The following PRKD1 variants were observed in gnomAD, a reference collection of about 807,000 sequenced individuals.
The protein encoded by PRKD1 is protein kinase D1.
In PRKD1, 63 loss-of-function variants were observed where a neutral mutation model predicts 95.9. That is an observed-to-expected ratio of 0.66 (90% CI 0.54 to 0.81). The LOEUF is 0.81. PRKD1 is among the 30% of genes least tolerant of loss of function. PRKD1 has a pLI of 0.00. For missense variants in PRKD1, 1,048 were observed against 1,165.3 expected, an observed-to-expected ratio of 0.90 and a Z score of 1.47; for synonymous variants, 425 against 423.1, an observed-to-expected ratio of 1.00 and a Z score of -0.05.
intron 1 of PRKD1, among the ~76,000 whole-genome samples, chr14:29,909,268 C>T (rs993597018): frequency 4.0e-5 from 6 of 151,538 alleles, no homozygotes; most frequent in Non-Finnish European, 7.4e-5. Context: ...CCGCCATGCC[C>T]GAGCCTCCCC....
intron 1 of PRKD1, among the ~76,000 whole-genome samples, chr14:29,897,168 A>C (rs1203630658): frequency 6.6e-6 from 1 of 152,064 alleles, no homozygotes; most frequent in Non-Finnish European, 1.5e-5. Flanking sequence ...ACTCAACCAT[A>C]TATCGTGGAC....
intron 4 of PRKD1, chr14:29,656,414 A>G: frequency 1.4e-6 from 2 of 1,434,998 alleles, no homozygotes; most frequent in South Asian, 1.2e-5. Context: ...TGTCAGCGTA[A>G]TATGCTGGTT....
chr14:29,710,894 G>A (rs1035411693), intron 2 of PRKD1, among the ~76,000 whole-genome samples: 2 of 152,052 alleles, frequency 1.3e-5, no homozygotes, highest in Non-Finnish European at 2.9e-5. Flanking sequence ...ATCTATGAAA[G>A]ACAATCTGAT....
At chr14:29,635,981 CT>C (rs1441633078) in intron 7 of PRKD1, among the ~76,000 whole-genome samples, 2 of 151,280 alleles carry the variant, frequency 1.3e-5, no homozygotes, top group African/African-American at 4.9e-5. Flanking sequence ...ACACAATGAG[CT>C]TCAAATTAAT....
Position 29,757,654 on chromosome 14 carries a change from T to A in PRKD1, c.265-31980A>T, listed in dbSNP as rs573496324. On this transcript the variant is annotated intron_variant, in intron 1 of 17. Coordinates refer to ENST00000331968, the MANE Select transcript of PRKD1 (RefSeq NM_002742.3). ...ATGGACAGAAAAATTAATTGGTTTT[T>A]AAAAATAAACCAATTAATTTTTCTG... is the stretch of plus-strand genomic sequence containing the variant. Among the ~76,000 whole-genome samples, 7 of 151,008 alleles carry A rather than the reference T, an allele frequency of 4.6e-5. No individual in the cohort carries two copies. In the East Asian group the frequency reaches 1.4e-3, roughly 30 times the overall value.
intron 1 of PRKD1, among the ~76,000 whole-genome samples, chr14:29,789,626 G>A (rs1226401632): frequency 6.6e-6 from 1 of 152,182 alleles, no homozygotes; most frequent in Non-Finnish European, 1.5e-5. Context: ...TGCCAATGGT[G>A]GCAGGCTGGG....
At chr14:29,824,591 T>C (rs533290028) in intron 1 of PRKD1, among the ~76,000 whole-genome samples, 3 of 152,274 alleles carry the variant, frequency 2.0e-5, no homozygotes, top group East Asian at 3.9e-4. Flanking sequence ...TCTCCAATTA[T>C]AAACAGTGTG....
chr14:29,882,770 C>A (rs1351524909), intron 1 of PRKD1, among the ~76,000 whole-genome samples: 3 of 152,130 alleles, frequency 2.0e-5, no homozygotes, highest in Non-Finnish European at 4.4e-5. Context: ...TGACTGGTTT[C>A]TTTAAACTTA....
chr14:29,857,103 T>C (rs1370501207), intron 1 of PRKD1, among the ~76,000 whole-genome samples: 1 of 152,202 alleles, frequency 6.6e-6, no homozygotes, highest in Non-Finnish European at 1.5e-5. Context: ...AATGGTCTTC[T>C]TATGAACCCT....
chr14:29,794,906 T>TC (rs1889744213), intron 1 of PRKD1, among the ~76,000 whole-genome samples: 1 of 152,134 alleles, frequency 6.6e-6, no homozygotes, highest in Admixed American at 6.6e-5. Context: ...TTCATAAACA[T>TC]CCCTACAGAC....
At chr14:29,782,372 A>G (rs889388892) in intron 1 of PRKD1, among the ~76,000 whole-genome samples, 1 of 152,182 alleles carries the variant, frequency 6.6e-6, no homozygotes, top group Non-Finnish European at 1.5e-5. Flanking sequence ...CATTACTAGC[A>G]GCAAAACCCA....
intron 13 of PRKD1, among the ~76,000 whole-genome samples, chr14:29,618,475 C>CT (rs1879021034): frequency 6.6e-6 from 1 of 152,152 alleles, no homozygotes; most frequent in Non-Finnish European, 1.5e-5. Context: ...AGGCTGTTCT[C>CT]TAACTCCTGA....
At chr14:29,868,049 T>C (rs1190540123) in intron 1 of PRKD1, among the ~76,000 whole-genome samples, 11 of 152,330 alleles carry the variant, frequency 7.2e-5, no homozygotes, top group South Asian at 4.1e-4. Context: ...AGGGATCTTA[T>C]TTATGCAAAA....
At chr14:29,687,984 A>C (rs61977995) in intron 2 of PRKD1, among the ~76,000 whole-genome samples, 30,717 of 152,152 alleles carry the variant, frequency 0.2, 3,144 homozygotes, top group South Asian at 0.24. Context: ...GGCTTAAAAT[A>C]ACACACATTT....
At chr14:29,779,007 C>T (rs1213340870) in intron 1 of PRKD1, among the ~76,000 whole-genome samples, 3 of 152,242 alleles carry the variant, frequency 2.0e-5, no homozygotes, top group Admixed American at 2.0e-4. Flanking sequence ...AAACGTAATC[C>T]AGCATATAAA....
intron 1 of PRKD1, among the ~76,000 whole-genome samples, chr14:29,741,036 T>C (rs1037212751): frequency 6.6e-5 from 10 of 152,188 alleles, no homozygotes; most frequent in Admixed American, 1.3e-4. Context: ...TTCTCACTTA[T>C]AAGCGGGAGC....
Position 29,638,469 on chromosome 14 carries a change from A to T in PRKD1, c.985+20T>A, listed in dbSNP as rs766574604. On this transcript the variant is annotated intron_variant, in intron 6 of 17. Transcript: ENST00000331968. ...CTAATATGGAAGAAGCACAGACATGACAGCTGATCTTTTACCTACCTCCAT... is the reference window on the plus strand; with the variant it reads ...CTAATATGGAAGAAGCACAGACATGTCAGCTGATCTTTTACCTACCTCCAT... 1 of 1,612,170 alleles carries T rather than the reference A, an allele frequency of 6.2e-7. No homozygotes were observed. The highest frequency in any genetic ancestry group is 1.1e-5 in the South Asian group (1 of 91,042).
chr14:29,692,937 T>C (rs1469789253), intron 2 of PRKD1, among the ~76,000 whole-genome samples: 1 of 152,164 alleles, frequency 6.6e-6, no homozygotes, highest in Non-Finnish European at 1.5e-5. Context: ...AATATCCACA[T>C]ATAAAGAAGT....
chr14:29,577,541 T>TCTACAGCG (rs1892600413), intron 17 of PRKD1, 85 bp from the exon 18 acceptor site: 2 of 1,288,184 alleles, frequency 1.6e-6, no homozygotes, highest in Non-Finnish European at 2.2e-6. Context: ...CTGCAATCTA[T>TCTACAGCG]GAGTTACCCT....
Sources: gnomAD v4.1 joint callset for allele counts (sites outside exome capture counted in the v4.1 genomes callset) on GRCh38, gnomAD v4.1.1 for gene constraint, MANE v1.5 for transcripts, NCBI Gene and HGNC (gene_info 2026-07-23, HGNC 2026-07-21) for gene names.